The following BMP6 variants were observed in gnomAD, a reference collection of about 807,000 sequenced individuals.
The protein encoded by BMP6 is VG-1-R.
Under a neutral mutation model 54.1 loss-of-function variants are expected in BMP6, and 17 were observed. The ratio of observed to expected loss-of-function variants is 0.31; its 90% CI spans 0.22 to 0.47. BMP6 has a LOEUF of 0.47. Ranked by LOEUF, BMP6 falls within the 20% of genes least tolerant of loss-of-function variation. BMP6 has a pLI of 1.00. For missense variants in BMP6, 720 were observed against 690.4 expected (o/e 1.04, Z -0.48); for synonymous variants, 328 against 291.2 (o/e 1.13, Z -1.28).
chr6:7,810,072 C>G (rs1581257256), intron 1 of BMP6, among the ~76,000 whole-genome samples: 1 of 152,008 alleles, frequency 6.6e-6, no homozygotes, highest in Admixed American at 6.5e-5. Context: ...TCTACAGATT[C>G]CTAAAGTTGG....
At chr6:7,812,679 TATAA>T (rs1409719882) in intron 1 of BMP6, among the ~76,000 whole-genome samples, 1 of 152,114 alleles carries the variant, frequency 6.6e-6, no homozygotes, top group Non-Finnish European at 1.5e-5. Context: ...AAAAAGCCCA[TATAA>T]ATCAAGAAGA....
At chr6:7,796,481 C>T (rs949123730) in intron 1 of BMP6, among the ~76,000 whole-genome samples, 6 of 152,232 alleles carry the variant, frequency 3.9e-5, no homozygotes, top group Admixed American at 3.9e-4. Context: ...AGCATCACCC[C>T]CTTCCTCATC....
chr6:7,789,612 T>A (rs1460958170), intron 1 of BMP6, among the ~76,000 whole-genome samples: 1 of 152,122 alleles, frequency 6.6e-6, no homozygotes, highest in Non-Finnish European at 1.5e-5. Flanking sequence ...GGTTGGCAGG[T>A]GCTCCTGGAG....
intron 2 of BMP6, among the ~76,000 whole-genome samples, chr6:7,856,462 A>G (rs540924630): frequency 6.6e-6 from 1 of 152,236 alleles, no homozygotes; most frequent in East Asian, 1.9e-4. Flanking sequence ...ATTTTAATGT[A>G]ACATCAAGTC....
intron 2 of BMP6, among the ~76,000 whole-genome samples, chr6:7,855,457 A>C (rs1759210915): frequency 6.6e-6 from 1 of 151,560 alleles, no homozygotes; most frequent in African/African-American, 2.4e-5. Context: ...CACGTACAAC[A>C]CATGAGCCAA....
intron 1 of BMP6, among the ~76,000 whole-genome samples, chr6:7,763,136 G>A (rs900389415): frequency 2.6e-5 from 4 of 152,234 alleles, no homozygotes; most frequent in African/African-American, 9.6e-5. Flanking sequence ...GTGTTTTAAA[G>A]TACAAAGCAT....
chr6:7,757,878 C>T (rs1397585195), intron 1 of BMP6, among the ~76,000 whole-genome samples: 1 of 152,144 alleles, frequency 6.6e-6, no homozygotes, highest in African/African-American at 2.4e-5. Flanking sequence ...GAGAAAATTC[C>T]ATCTTGTGTG....
At chr6:7,861,839 G>A (rs1377488337) in intron 3 of BMP6, among the ~76,000 whole-genome samples, 3 of 152,202 alleles carry the variant, frequency 2.0e-5, no homozygotes, top group Non-Finnish European at 2.9e-5. Flanking sequence ...TTTCCAAGAG[G>A]ATGGCGATGG....
chr6:7,782,600 C>A (rs1370052281), intron 1 of BMP6, among the ~76,000 whole-genome samples: 1 of 152,072 alleles, frequency 6.6e-6, no homozygotes, highest in Non-Finnish European at 1.5e-5. Flanking sequence ...GTCCCAGCTA[C>A]CTGGGGGGCA....
In BMP6 at chr6:7,727,581, T is replaced by G; in HGVS notation, c.626T>G (p.Leu209Arg). 2 of 1,581,234 alleles carry G rather than the reference T, an allele frequency of 1.3e-6. No individual in the cohort carries two copies. Among genetic ancestry groups the G allele is most frequent in the Non-Finnish European group, 1.7e-6 (2 of 1,172,734 alleles). Residue 209 changes from leucine (L) to arginine (R), a missense_variant, in exon 1 of 7, where the codon CTC (leucine) becomes CGC (arginine). Around this residue, in one of 3 missense-constraint regions of BMP6, gnomAD observed 650 missense variants for 556.3 expected, o/e 1.17. Transcript: ENST00000283147. ...ACCAGCGCGCAGGACAGCGCCTTCC[T>G]CAACGACGCGGACATGGTCATGAGC... ...PLTSAQDSAF[L>R]NDADMVMSFV...
intron 1 of BMP6, among the ~76,000 whole-genome samples, chr6:7,827,303 A>G (rs1266250097): frequency 6.6e-6 from 1 of 152,184 alleles, no homozygotes; most frequent in Admixed American, 6.5e-5. Context: ...CTGAATCCGG[A>G]GGCAAATCAA....
chr6:7,859,434 C>G (rs542838419), intron 2 of BMP6, among the ~76,000 whole-genome samples: 171 of 152,102 alleles, frequency 1.1e-3, no homozygotes, highest in African/African-American at 4.0e-3. Flanking sequence ...CAGCCTTACC[C>G]CCGAGATTCC....
chr6:7,791,213 T>C (rs554248502), intron 1 of BMP6, among the ~76,000 whole-genome samples: 9 of 152,340 alleles, frequency 5.9e-5, no homozygotes, highest in African/African-American at 2.2e-4. Flanking sequence ...TTCTCCATCA[T>C]CCCAGAGCAA....
intron 1 of BMP6, among the ~76,000 whole-genome samples, chr6:7,830,733 A>C (rs1333082992): frequency 6.6e-6 from 1 of 152,344 alleles, no homozygotes; most frequent in Middle Eastern, 3.4e-3. Context: ...AAGAAAGAGC[A>C]TGTGCAGGGG....
intron 1 of BMP6, among the ~76,000 whole-genome samples, chr6:7,763,439 A>G (rs1392830674): frequency 1.3e-5 from 2 of 152,254 alleles, no homozygotes; most frequent in Non-Finnish European, 2.9e-5. Context: ...GTATTTTTCT[A>G]CACAGAAAAA....
chr6:7,856,848 G>A (rs1383921704), intron 2 of BMP6, among the ~76,000 whole-genome samples: 7 of 151,752 alleles, frequency 4.6e-5, no homozygotes, highest in South Asian at 4.2e-4. Flanking sequence ...CGCCCGCCTC[G>A]GCCTCCCAAA....
chr6:7,781,057 C>A (rs1281908610), intron 1 of BMP6, among the ~76,000 whole-genome samples: 5 of 152,212 alleles, frequency 3.3e-5, no homozygotes, highest in African/African-American at 1.2e-4. Flanking sequence ...TCCTAGTCCA[C>A]ACAGTACAGT....
chr6:7,769,930 T>C (rs1436102765), intron 1 of BMP6, among the ~76,000 whole-genome samples: 1 of 152,160 alleles, frequency 6.6e-6, no homozygotes, highest in South Asian at 2.1e-4. Context: ...TAATGTTGAG[T>C]CATTCTTGCA....
chr6:7,811,393 G>C (rs1758433460), intron 1 of BMP6, among the ~76,000 whole-genome samples: 1 of 152,264 alleles, frequency 6.6e-6, no homozygotes. Flanking sequence ...GAGAAAATGG[G>C]AGACTATCTA....
Sources: allele counts gnomAD v4.1 joint callset (sites outside exome capture counted in the v4.1 genomes callset), GRCh38; gene constraint gnomAD v4.1.1; regional missense constraint gnomAD v4.1.1; transcripts MANE v1.5; gene names NCBI Gene and HGNC (gene_info 2026-07-23, HGNC 2026-07-21).